RTCA: variants seen among roughly 807,000 people sequenced by gnomAD.
RTCA encodes the protein RNA 3'-terminal phosphate cyclase.
Under a neutral mutation model 46.1 loss-of-function variants are expected in RTCA, and 37 were observed. That is an observed-to-expected ratio of 0.80 (90% CI 0.62 to 1.06). The LOEUF (loss-of-function observed/expected upper bound fraction) is 1.06. Ranked by LOEUF, RTCA falls within the 50% of genes least tolerant of loss-of-function variation. The probability of loss-of-function intolerance (pLI) is 0.00; values close to 1 mark genes in which losing one functional copy is unlikely to be tolerated. For missense variants in RTCA, 435 were observed against 455.5 expected, an observed-to-expected ratio of 0.95 and a Z score of 0.41; for synonymous variants, 164 against 158.3, an observed-to-expected ratio of 1.04 and a Z score of -0.27.
chr1:100,274,836 A>G lies in RTCA; in HGVS notation c.486A>G (p.Pro162=), dbSNP rs756572492. Residue 162 remains proline, a synonymous_variant, in exon 6 of 11, where the codon CCA becomes CCG. Transcript: ENST00000370128. ...ATACTTTTCATAGGGGATATTACCC[A>G]AAAGGGGGTGGTGAAGTGATTGTTC... ...NCDIKTRGYY[P]KGGGEVIVRM... The G allele has an allele frequency of 5.6e-6, 9 of 1,611,374 alleles. No individual in the cohort carries two copies. The Admixed American group carries it at 1.5e-4, about 27-fold the overall frequency.
chr1:100,284,284 G>A lies in RTCA; in HGVS notation c.800-944G>A, dbSNP rs551271224. Among the ~76,000 whole-genome samples, 5 of 151,878 alleles carry A rather than the reference G, an allele frequency of 3.3e-5. No homozygotes were observed. In the South Asian group the frequency reaches 6.2e-4, roughly 19 times the overall value. On this transcript the variant is annotated intron_variant, in intron 8 of 10. Coordinates refer to ENST00000370128, the MANE Select transcript of RTCA (RefSeq NM_003729.4). ...ATTCTGACTTATATTTAAAATAAGC[G>A]AATACCTGTTCAAATCTTAGAGGAA...
At chr1:100,282,804 G>GGTTT (rs138210999) in intron 8 of RTCA, among the ~76,000 whole-genome samples, 170 of 152,266 alleles carry the variant, frequency 1.1e-3, no homozygotes, top group African/African-American at 4.0e-3. Context: ...ATGAATTTCA[G>GGTTT]GTTTGTTTAT....
intron 3 of RTCA, 142 bp from the exon 4 acceptor site, chr1:100,270,415 A>G: frequency 1.1e-6 from 1 of 938,360 alleles, no homozygotes; most frequent in Non-Finnish European, 1.5e-6. Context: ...TTTTTTAACT[A>G]GAAACTCAAT....
rs1256871581 is a variant in RTCA at position 100,274,833 on chromosome 1, C to A, written c.483C>A (p.Tyr161Ter). ...GTTATACTTTTCATAGGGGATATTA[C>A]CCAAAAGGGGGTGGTGAAGTGATTG... is the stretch of plus-strand genomic sequence containing the variant. ...FNCDIKTRGY[Y>*]PKGGGEVIVR... is the part of the protein sequence containing the mutation. Residue 161 changes from tyrosine to a stop codon, truncating the protein, a stop_gained, in exon 6 of 11, where the codon TAC becomes TAA. Transcript: ENST00000370128. LOFTEE classifies it high-confidence loss of function. 4 of 1,610,750 alleles carry A rather than the reference C, an allele frequency of 2.5e-6. No individual in the cohort carries two copies. The highest frequency in any genetic ancestry group is 3.4e-6 in the Non-Finnish European group (4 of 1,177,884).
chr1:100,277,098 CAATGTT>C (rs1198762589), intron 7 of RTCA, among the ~76,000 whole-genome samples, 154 bp from the exon 8 acceptor site: 1 of 152,168 alleles, frequency 6.6e-6, no homozygotes, highest in African/African-American at 2.4e-5. Context: ...TTAAGATAGA[CAATGTT>C]AATCATACCA....
chr1:100,274,437 T>C (rs1004567521), intron 5 of RTCA, among the ~76,000 whole-genome samples: 14 of 152,232 alleles, frequency 9.2e-5, no homozygotes, highest in African/African-American at 3.4e-4. Flanking sequence ...AGTCTAGCCC[T>C]CAAGGCGCTT....
chr1:100,285,167 C>T lies in RTCA; in HGVS notation c.800-61C>T, dbSNP rs1666948893. The T allele has an allele frequency of 2.8e-6, 4 of 1,442,318 alleles. No individual in the cohort carries two copies. In the East Asian group the frequency reaches 9.4e-5, roughly 34 times the overall value. 89.3% of individuals were successfully genotyped at this position (1,442,318 alleles called of 1,614,324 possible). A position where few individuals can be genotyped will look rare whatever the true frequency, so the allele number is the denominator to read the frequency against. ...TTGGGATATACCAAACTTTTTGTCT[C>T]TTAGTAATTAGTTTTGTTTTGTTTT... On this transcript the variant is annotated intron_variant, in intron 8 of 10. Coordinates refer to ENST00000370128, the MANE Select transcript of RTCA (RefSeq NM_003729.4).
chr1:100,274,888 C>A lies in RTCA; in HGVS notation c.538C>A (p.Pro180Thr). The change falls in exon 6 of 11, where the codon CCT becomes ACT. Residue 180 changes from proline to threonine, a missense_variant. Coordinates refer to ENST00000370128, the MANE Select transcript of RTCA (RefSeq NM_003729.4). ...AATGTCACCAGTTAAACAATTGAAC[C>A]CTATAAATTTAACTGAGCGTGGCTG... ...VRMSPVKQLNPINLTERGCVT... is the reference protein window; with the variant it reads ...VRMSPVKQLNTINLTERGCVT... 6.2e-7 allele frequency: 1 copy of A among 1,613,126 alleles called. No homozygotes were observed. Among genetic ancestry groups the A allele is most frequent in the Non-Finnish European group, 8.5e-7 (1 of 1,179,382 alleles).
chr1:100,278,898 C>A, intron 8 of RTCA, among the ~76,000 whole-genome samples: 2 of 152,268 alleles, frequency 1.3e-5, no homozygotes, highest in Middle Eastern at 3.4e-3. Flanking sequence ...CTACCTCAGA[C>A]GTATTGAATT....
At position 100,282,038 on chromosome 1, in the gene RTCA, C is replaced by T. The variant is rs898091516; in HGVS notation, c.800-3190C>T. On this transcript the variant is annotated intron_variant, in intron 8 of 10. Transcript: ENST00000370128. ...TCTCTCTGATGTCCTAAAACAAGTCCTTGAGACCTTTGTTTAAAAACATCC... is the reference window on the plus strand; with the variant it reads ...TCTCTCTGATGTCCTAAAACAAGTCTTTGAGACCTTTGTTTAAAAACATCC... 1.3e-4 allele frequency among the ~76,000 whole-genome samples: 20 copies of T among 152,152 alleles called. 1 individual carries two copies. The highest frequency in any genetic ancestry group is 1.2e-3 in the Admixed American group (19 of 15,276).
In RTCA at chr1:100,285,287, C is replaced by T. The variant is rs1298204440; in HGVS notation, c.859C>T (p.His287Tyr). The part of the protein sequence containing the change: ...AAEMLLANLR[H>Y]GGTVDEYLQD... ...CGAAATGCTATTAGCAAATCTTAGA[C>T]ATGGTGGTACTGTGGATGAGTATCT... is the stretch of plus-strand genomic sequence containing the variant. Residue 287 changes from histidine (H) to tyrosine (Y), a missense_variant, in exon 9 of 11, where the codon CAT (histidine) becomes TAT (tyrosine). Transcript: ENST00000370128. The T allele has an allele frequency of 6.2e-7, 1 of 1,613,722 alleles. No homozygotes were observed. The highest frequency in any genetic ancestry group is 1.7e-5 in the Admixed American group (1 of 60,004).
chr1:100,281,319 T>C (rs1199501412), intron 8 of RTCA: 3 of 533,566 alleles, frequency 5.6e-6, no homozygotes, highest in South Asian at 4.2e-5. Context: ...CAGTGTGTTA[T>C]GATAGAGAGC....
At chr1:100,286,253 C>T (rs1329051980) in intron 9 of RTCA, among the ~76,000 whole-genome samples, 1 of 151,878 alleles carries the variant, frequency 6.6e-6, no homozygotes. Flanking sequence ...GAGATCGAGA[C>T]CATCCTGGCT....
chr1:100,266,705 C>T, intron 2 of RTCA, 81 bp downstream of exon 2: 1 of 1,217,984 alleles, frequency 8.2e-7, no homozygotes, highest in Non-Finnish European at 1.2e-6. Flanking sequence ...CATCGGGAGT[C>T]CGAGTGGTGG....
Position 100,267,460 on chromosome 1 carries a change from CAG to C in RTCA, c.147-689_147-688del, listed in dbSNP as rs149204884. 3.7e-3 allele frequency: 5,466 copies of C among 1,482,342 alleles called. 173 individuals carry two copies. The African/African-American group carries it at 0.067, about 18-fold the overall frequency. 91.8% of individuals were successfully genotyped at this position (1,482,342 alleles called of 1,614,324 possible). ...GGCTGCCATAACAAAATGCCACACACAGAGTGGAGCTTAAACAACAGAAATTT... is the reference window on the plus strand; with the variant it reads ...GGCTGCCATAACAAAATGCCACACACAGTGGAGCTTAAACAACAGAAATTT... On this transcript the variant is annotated intron_variant, in intron 2 of 10. Transcript: ENST00000370128.
chr1:100,289,250 T>C (rs191558007), intron 10 of RTCA, among the ~76,000 whole-genome samples: 1 of 152,212 alleles, frequency 6.6e-6, no homozygotes, highest in East Asian at 1.9e-4. Context: ...CACCTCAGCC[T>C]ATCAAGTAGC....
At chr1:100,271,533 A>G (rs1407028984) in intron 4 of RTCA, among the ~76,000 whole-genome samples, 1 of 152,182 alleles carries the variant, frequency 6.6e-6, no homozygotes, top group Non-Finnish European at 1.5e-5. Flanking sequence ...TTTTATAAAT[A>G]CAAGGATTAT....
intron 10 of RTCA, 122 bp downstream of exon 10, chr1:100,287,325 G>T: frequency 1.7e-6 from 1 of 590,098 alleles, no homozygotes; most frequent in East Asian, 3.4e-5. Flanking sequence ...CTGTGTGACA[G>T]GCACTGAGCT....
chr1:100,273,552 T>C, intron 5 of RTCA, 100 bp downstream of exon 5: 1 of 602,854 alleles, frequency 1.7e-6, no homozygotes, highest in Non-Finnish European at 2.8e-6. Context: ...ACCCACTTAA[T>C]ACATTGCATC....
Sources: gnomAD v4.1 joint callset for allele counts (sites outside exome capture counted in the v4.1 genomes callset) on GRCh38, gnomAD v4.1.1 for gene constraint, MANE v1.5 for transcripts, NCBI Gene and HGNC (gene_info 2026-07-23, HGNC 2026-07-21) for gene names.